Variants in EPB41L2 observed in about 807,000 individuals in gnomAD.
The protein encoded by EPB41L2 is erythrocyte membrane protein band 4.1 like 2.
In EPB41L2, 43 loss-of-function variants were observed where a neutral mutation model predicts 113.0. That is an observed-to-expected ratio of 0.38 (90% CI 0.30 to 0.49). EPB41L2 has a LOEUF of 0.49. Ranked by LOEUF, EPB41L2 falls within the 20% of genes least tolerant of loss-of-function variation. The pLI is 0.95. For missense variants in EPB41L2, 1,147 were observed against 1,223.4 expected, an observed-to-expected ratio of 0.94 and a Z score of 0.93; for synonymous variants, 442 against 436.7, an observed-to-expected ratio of 1.01 and a Z score of -0.15.
chr6:130,901,035 T>C lies in EPB41L2; in HGVS notation c.1075A>G (p.Ser359Gly), dbSNP rs1796132653. The C allele has an allele frequency of 6.2e-7, 1 of 1,614,132 alleles. No individual in the cohort carries two copies. Among genetic ancestry groups the C allele is most frequent in the Non-Finnish European group, 8.5e-7 (1 of 1,180,014 alleles). ...TGAGTAGGGGCAAACTGGAATTCAC[T>C]GAGGTCGATGCTGCCATGTTCTTCT... ...DPEEHGSIDL[S>G]EFQFAPTQTK... The change falls in exon 7 of 20, where the codon AGT (serine) becomes GGT (glycine). Residue 359 changes from serine (S) to glycine (G), a missense_variant. By Grantham distance (56) the Ser-to-Gly change is moderately conservative. Transcript: ENST00000337057.
chr6:130,908,745 T>C, intron 5 of EPB41L2, 76 bp downstream of exon 5: 1 of 1,168,098 alleles, frequency 8.6e-7, no homozygotes, highest in South Asian at 1.5e-5. Flanking sequence ...AACTGACCAT[T>C]CTATTACTGA....
rs1263417817 is a variant in EPB41L2, at chr6:130,870,767, TTAAA to T, written c.2044-645_2044-642del. Reference sequence around the variant, plus strand: ...AAAGTCTAGCCTGGAACGCTGATTCTTAAATGAACACAGCACCAAGGAGATGGCA... The same window carrying T: ...AAAGTCTAGCCTGGAACGCTGATTCTTGAACACAGCACCAAGGAGATGGCA... On this transcript the variant is annotated intron_variant, in intron 14 of 19. Transcript: ENST00000337057. Among the ~76,000 whole-genome samples, 6 of 152,154 alleles carry T rather than the reference TTAAA, an allele frequency of 3.9e-5. No individual in the cohort carries two copies. The East Asian group carries it at 1.2e-3, about 29-fold the overall frequency.
chr6:131,051,943 C>CTTT (rs35129658), intron 1 of EPB41L2, among the ~76,000 whole-genome samples: 3 of 144,556 alleles, frequency 2.1e-5, no homozygotes, highest in African/African-American at 5.1e-5. Context: ...TTTTTTTTTT[C>CTTT]TTTTTTTTTT....
intron 4 of EPB41L2, among the ~76,000 whole-genome samples, chr6:130,926,214 G>A (rs754265562): frequency 2.6e-5 from 4 of 152,200 alleles, no homozygotes; most frequent in Non-Finnish European, 5.9e-5. Flanking sequence ...CACAATATGA[G>A]CAGATGTGAC....
At chr6:130,937,605 G>T (rs9375783) in intron 3 of EPB41L2, among the ~76,000 whole-genome samples, 1 of 152,054 alleles carries the variant, frequency 6.6e-6, no homozygotes, top group Non-Finnish European at 1.5e-5. Flanking sequence ...TGGACCGTGA[G>T]GTCAGGAGTT....
chr6:130,934,320 T>C (rs1298889403), intron 3 of EPB41L2, among the ~76,000 whole-genome samples: 1 of 152,146 alleles, frequency 6.6e-6, no homozygotes, highest in Admixed American at 6.5e-5. Flanking sequence ...ATTGATATAG[T>C]AAAGGAAGAT....
intron 5 of EPB41L2, among the ~76,000 whole-genome samples, chr6:130,906,336 TA>T (rs1028403396): frequency 1.2e-5 from 1 of 81,094 alleles, no homozygotes; most frequent in Non-Finnish European, 2.2e-5. Context: ...AACTGACAAT[TA>T]AAAATGGTAT....
intron 1 of EPB41L2, among the ~76,000 whole-genome samples, chr6:131,031,937 A>G (rs1197114847): frequency 6.6e-6 from 1 of 152,226 alleles, no homozygotes; most frequent in Non-Finnish European, 1.5e-5. Flanking sequence ...ACTTACTCCA[A>G]AGTGAAGAGG....
chr6:130,856,399 G>C (rs926158872), intron 19 of EPB41L2, among the ~76,000 whole-genome samples: 1 of 152,228 alleles, frequency 6.6e-6, no homozygotes, highest in African/African-American at 2.4e-5. Context: ...GCAGGCAAGA[G>C]AGGTGAACAA....
At chr6:130,945,391 A>C (rs1220300511) in intron 3 of EPB41L2, among the ~76,000 whole-genome samples, 2 of 152,236 alleles carry the variant, frequency 1.3e-5, no homozygotes, top group African/African-American at 4.8e-5. Context: ...TACTTTTATC[A>C]ACAGAACACT....
chr6:131,038,744 T>G (rs763130695), intron 1 of EPB41L2, among the ~76,000 whole-genome samples: 3 of 152,204 alleles, frequency 2.0e-5, no homozygotes, highest in Non-Finnish European at 1.5e-5. Flanking sequence ...TAATATGGTA[T>G]GCAGCTGTAT....
rs1372823021 is a variant in EPB41L2, at chr6:130,926,665, G to T, written c.750C>A (p.His250Gln). 4 of 1,610,052 alleles carry T rather than the reference G, an allele frequency of 2.5e-6. No homozygotes were observed. Among genetic ancestry groups the T allele is most frequent in the Non-Finnish European group, 3.4e-6 (4 of 1,179,108 alleles). ...AGTAGTCTTTCTCCAAGAGATTGAGGTGTTCACACACTTTGTCAAATAACA... is the reference window on the plus strand; with the variant it reads ...AGTAGTCTTTCTCCAAGAGATTGAGTTGTTCACACACTTTGTCAAATAACA... Reference protein sequence around the residue: ...GQVLFDKVCEHLNLLEKDYFG... With the variant: ...GQVLFDKVCEQLNLLEKDYFG... Residue 250 changes from histidine to glutamine, a missense_variant, in exon 4 of 20, where the codon CAC (histidine) becomes CAA (glutamine). Coordinates refer to ENST00000337057, the MANE Select transcript of EPB41L2 (RefSeq NM_001431.4).
intron 1 of EPB41L2, among the ~76,000 whole-genome samples, chr6:131,003,305 T>A (rs1012682381): frequency 2.6e-5 from 4 of 152,230 alleles, no homozygotes; most frequent in African/African-American, 9.6e-5. Flanking sequence ...AAAAACGATA[T>A]AATTTTAACA....
Position 130,926,727 on chromosome 6 carries a change from AC to A in EPB41L2, c.706-19del. 1 of 1,537,606 alleles carries A rather than the reference AC, an allele frequency of 6.5e-7. No homozygotes were observed. The highest frequency in any genetic ancestry group is 2.3e-5 in the East Asian group (1 of 43,852). The stretch of plus-strand genomic sequence containing the variant: ...GCATGTTTCTGGAGAAAAAATAATA[AC>A]TTTACTTTTCAAGTACTAAAGATTC... On this transcript the variant is annotated intron_variant, in intron 3 of 19. Transcript: ENST00000337057.
At chr6:130,923,833 T>TA (rs1479980201) in intron 4 of EPB41L2, among the ~76,000 whole-genome samples, 4 of 152,212 alleles carry the variant, frequency 2.6e-5, no homozygotes, top group Non-Finnish European at 4.4e-5. Context: ...TTAATTGTAG[T>TA]AAAAAACACA....
chr6:130,857,067 T>C (rs535984715), intron 19 of EPB41L2, among the ~76,000 whole-genome samples: 1 of 152,334 alleles, frequency 6.6e-6, no homozygotes, highest in African/African-American at 2.4e-5. Context: ...TAAATTCTTA[T>C]AAGTAGTTTA....
intron 5 of EPB41L2, 28 bp downstream of exon 5, chr6:130,908,793 T>C: frequency 1.9e-6 from 3 of 1,548,084 alleles, no homozygotes; most frequent in Non-Finnish European, 2.7e-6. Context: ...ACACCTTAAC[T>C]TCAAAGAATG....
intron 8 of EPB41L2, among the ~76,000 whole-genome samples, chr6:130,898,170 C>A (rs2128492172): frequency 6.6e-6 from 1 of 151,104 alleles, no homozygotes; most frequent in Admixed American, 6.6e-5. Context: ...TTTAAGTGAT[C>A]TTTATTTCCT....
chr6:131,062,648 T>C lies in EPB41L2; in HGVS notation c.-15+507A>G, dbSNP rs1325558688. 8 of 151,538 alleles carry C rather than the reference T, an allele frequency of 5.3e-5. No homozygotes were observed. The East Asian group carries it at 1.6e-3, about 30-fold the overall frequency. 9.4% of individuals were successfully genotyped at this position (151,538 alleles called of 1,614,324 possible). A position where few individuals can be genotyped will look rare whatever the true frequency, so the allele number is the denominator to read the frequency against. The stretch of plus-strand genomic sequence containing the variant: ...CGCGGCCGGCCCGCGCTTCCCCTCC[T>C]AAAACCTTCCTCCTGAAGGGCGACG... On this transcript the variant is annotated intron_variant, in intron 1 of 19. Transcript: ENST00000337057.
Sources: gnomAD v4.1 joint callset for allele counts (sites outside exome capture counted in the v4.1 genomes callset) on GRCh38, gnomAD v4.1.1 for gene constraint, MANE v1.5 for transcripts, NCBI Gene and HGNC (gene_info 2026-07-23, HGNC 2026-07-21) for gene names.